CD58: variants seen among roughly 807,000 people sequenced by gnomAD.
The protein encoded by CD58 is lymphocyte function-associated antigen 3.
Under a neutral mutation model 27.6 loss-of-function variants are expected in CD58, and 14 were observed. The ratio of observed to expected loss-of-function variants is 0.51; its 90% CI spans 0.34 to 0.79. CD58 has a LOEUF of 0.79. CD58 is among the 30% of genes least tolerant of loss of function. The pLI is 0.02. For synonymous variants in CD58, 117 were observed against 103.8 expected (o/e 1.13, Z -0.77); for missense variants, 268 against 301.7 (o/e 0.89, Z 0.83).
At position 116,541,304 on chromosome 1, in the gene CD58, A is replaced by G. The variant is rs527949357; in HGVS notation, c.364+3007T>C. ...CCAATGTCCATGTTTCAAAGATTCT[A>G]CTTTTTCAAGGAAATCTTCTAAGAG... On this transcript the variant is annotated intron_variant, in intron 2 of 5. Coordinates refer to ENST00000369489, the MANE Select transcript of CD58 (RefSeq NM_001779.3). This position sits in a 1 kb window ranked among gnomAD's most constrained non-coding sequence, Gnocchi z 5.3. 5.3e-5 allele frequency among the ~76,000 whole-genome samples: 8 copies of G among 152,234 alleles called. No homozygotes were observed. The highest frequency in any genetic ancestry group is 1.0e-4 in the Non-Finnish European group (7 of 68,040).
Position 116,524,585 on chromosome 1 carries a change from GTT to G in CD58, c.629-2604_629-2603del, listed in dbSNP as rs1347986479. ...CTTTAAATAAATCCAGGGCTACAAT[GTT>G]TACTTAACCTAATCAATTTACAGCT... On this transcript the variant is annotated intron_variant, in intron 3 of 5. Transcript: ENST00000369489. The surrounding 1 kb of genome is among the most constrained non-coding windows in gnomAD (Gnocchi z 4.6). 6.6e-6 allele frequency among the ~76,000 whole-genome samples: 1 copy of G among 152,134 alleles called. No individual in the cohort carries two copies. Among genetic ancestry groups the G allele is most frequent in the African/African-American group, 2.4e-5 (1 of 41,434 alleles).
In CD58 at chr1:116,534,051, G is replaced by T; in HGVS notation, c.628+1914C>A. On this transcript the variant is annotated intron_variant, in intron 3 of 5. Transcript: ENST00000369489. This position sits in a 1 kb window ranked among gnomAD's most constrained non-coding sequence, Gnocchi z 5.3. ...TACTTGCATTTTTAGCAGCTTCCACGAAATCTGAAGGAACCCCATCTGAAA... is the reference window on the plus strand; with the variant it reads ...TACTTGCATTTTTAGCAGCTTCCACTAAATCTGAAGGAACCCCATCTGAAA... The T allele has an allele frequency of 1.0e-6, 1 of 980,798 alleles. No homozygotes were observed. The highest frequency in any genetic ancestry group is 1.6e-6 in the Non-Finnish European group (1 of 609,142). 60.8% of individuals were successfully genotyped at this position (980,798 alleles called of 1,614,324 possible). A position where few individuals can be genotyped will look rare whatever the true frequency, so the allele number is the denominator to read the frequency against.
rs956055136 is a variant in CD58, at chr1:116,515,890, C to A, written c.744-1068G>T. ...CGTCAGATGTCTGCTATCTACTCAT[C>A]TGTCCTCTGTTGTTCCTAATTGGGT... On this transcript the variant is annotated intron_variant, in intron 5 of 5. Transcript: ENST00000369489. The surrounding 1 kb of genome is among the most constrained non-coding windows in gnomAD (Gnocchi z 4.6). Among the ~76,000 whole-genome samples the A allele has an allele frequency of 1.3e-5, 2 of 152,152 alleles. No individual in the cohort carries two copies. Among genetic ancestry groups the A allele is most frequent in the African/African-American group, 4.8e-5 (2 of 41,426 alleles).
Position 116,519,921 on chromosome 1 carries a change from C to A in CD58, c.707-654G>T, listed in dbSNP as rs1657215142. 6.6e-6 allele frequency among the ~76,000 whole-genome samples: 1 copy of A among 152,234 alleles called. No homozygotes were observed. Among genetic ancestry groups the A allele is most frequent in the Non-Finnish European group, 1.5e-5 (1 of 68,038 alleles). On this transcript the variant is annotated intron_variant, in intron 4 of 5. Coordinates refer to ENST00000369489, the MANE Select transcript of CD58 (RefSeq NM_001779.3). This position sits in a 1 kb window ranked among gnomAD's most constrained non-coding sequence, Gnocchi z 4.7. The stretch of plus-strand genomic sequence containing the variant: ...TTTCCTGCCCACAGTAGGCATCCGC[C>A]TGACCCTAGAACTATGCTAGTGGTT...
In CD58 at chr1:116,522,277, A is replaced by G. The variant is rs1377894182; in HGVS notation, c.629-294T>C. On this transcript the variant is annotated intron_variant, in intron 3 of 5. Coordinates refer to ENST00000369489, the MANE Select transcript of CD58 (RefSeq NM_001779.3). The surrounding 1 kb of genome is among the most constrained non-coding windows in gnomAD (Gnocchi z 4.6). The stretch of plus-strand genomic sequence containing the variant: ...AGTCTATTTAGTGCCATGATTTTGC[A>G]TTTTTGTGCTTTTTTGTTGGTGATT... Among the ~76,000 whole-genome samples the G allele has an allele frequency of 6.6e-6, 1 of 152,132 alleles. No homozygotes were observed. Among genetic ancestry groups the G allele is most frequent in the Admixed American group, 6.5e-5 (1 of 15,274 alleles).
At position 116,515,811 on chromosome 1, in the gene CD58, C is replaced by T. The variant is rs1657061266; in HGVS notation, c.744-989G>A. ...CTTACACAAAAAATACCAGGGCACT[C>T]AGAAATTGCCTACGTTGAACTGCCT... On this transcript the variant is annotated intron_variant, in intron 5 of 5. Transcript: ENST00000369489. The surrounding 1 kb of genome is among the most constrained non-coding windows in gnomAD (Gnocchi z 4.6). 6.6e-6 allele frequency among the ~76,000 whole-genome samples: 1 copy of T among 152,190 alleles called. No individual in the cohort carries two copies. The highest frequency in any genetic ancestry group is 1.5e-5 in the Non-Finnish European group (1 of 68,036).
At position 116,538,782 on chromosome 1, in the gene CD58, C is replaced by T. The variant is rs753612638; in HGVS notation, c.365-2554G>A. Among the ~76,000 whole-genome samples the T allele has an allele frequency of 3.9e-5, 6 of 152,210 alleles. No individual in the cohort carries two copies. Among genetic ancestry groups the T allele is most frequent in the Non-Finnish European group, 7.3e-5 (5 of 68,040 alleles). On this transcript the variant is annotated intron_variant, in intron 2 of 5. Transcript: ENST00000369489. This position sits in a 1 kb window ranked among gnomAD's most constrained non-coding sequence, Gnocchi z 4.7. The stretch of plus-strand genomic sequence containing the variant: ...TATGACTCACCTTTCAACCACAGCA[C>T]ATGACATAATGCAAGGCACACAGAT...
rs1657341621 is a variant in CD58 at position 116,523,739 on chromosome 1, T to C, written c.629-1756A>G. Among the ~76,000 whole-genome samples, 1 of 152,226 alleles carries C rather than the reference T, an allele frequency of 6.6e-6. No homozygotes were observed. Among genetic ancestry groups the C allele is most frequent in the Non-Finnish European group, 1.5e-5 (1 of 68,042 alleles). On this transcript the variant is annotated intron_variant, in intron 3 of 5. Transcript: ENST00000369489. The surrounding 1 kb of genome is among the most constrained non-coding windows in gnomAD (Gnocchi z 4.4). Reference sequence around the variant, plus strand: ...AGGGTTTGCAAAGTGGTTTAGTCTATCATTCCTTCTTTACTAACTACAATC... The same window carrying C: ...AGGGTTTGCAAAGTGGTTTAGTCTACCATTCCTTCTTTACTAACTACAATC...
In CD58 at chr1:116,536,052, G is replaced by A. The variant is rs773733730; in HGVS notation, c.541C>T (p.Leu181Phe). 4.3e-6 allele frequency: 7 copies of A among 1,612,162 alleles called. No homozygotes were observed. The South Asian group carries it at 5.5e-5, about 13-fold the overall frequency. The stretch of plus-strand genomic sequence containing the variant: ...AGAGTACACTGTATTTTTTGTGGAA[G>A]ATCATTTTCCATCTTAAAATATATA... ...TSIYFKMEND[L>F]PQKIQCTLSN... Residue 181 changes from leucine (L) to phenylalanine (F), a missense_variant, in exon 3 of 6, where the codon CTT (leucine) becomes TTT (phenylalanine). Coordinates refer to ENST00000369489, the MANE Select transcript of CD58 (RefSeq NM_001779.3). This position sits in a 1 kb window ranked among gnomAD's most constrained non-coding sequence, Gnocchi z 5.4.
Position 116,518,854 on chromosome 1 carries a change from G to C in CD58, c.743+377C>G. 1.9e-6 allele frequency: 2 copies of C among 1,072,322 alleles called. 1 individual carries two copies. The highest frequency in any genetic ancestry group is 6.2e-5 in the South Asian group (2 of 32,504). The allele number at this position is 1,072,322 out of a possible 1,614,324, so 66.4% of individuals were successfully genotyped here. The stretch of plus-strand genomic sequence containing the variant: ...TGGGAGGTGGAGGGAGTGTATTGTA[G>C]TGGTTAACAGTATAACTCTTGGAGT... On this transcript the variant is annotated intron_variant, in intron 5 of 5. Coordinates refer to ENST00000369489, the MANE Select transcript of CD58 (RefSeq NM_001779.3).
intron 3 of CD58, among the ~76,000 whole-genome samples, chr1:116,526,842 G>T (rs1657446957): frequency 6.6e-6 from 1 of 152,100 alleles, no homozygotes; most frequent in South Asian, 2.1e-4. Flanking sequence ...CATTTATTTA[G>T]TTCTTCTTTG....
rs979252060 is a variant in CD58, at chr1:116,552,917, CAA to C, written c.71-8315_71-8314del. Among the ~76,000 whole-genome samples the C allele has an allele frequency of 6.6e-5, 10 of 151,918 alleles. No homozygotes were observed. The highest frequency in any genetic ancestry group is 2.4e-4 in the African/African-American group (10 of 41,370). On this transcript the variant is annotated intron_variant, in intron 1 of 5. Coordinates refer to ENST00000369489, the MANE Select transcript of CD58 (RefSeq NM_001779.3). This position sits in a 1 kb window ranked among gnomAD's most constrained non-coding sequence, Gnocchi z 4.5. Reference sequence around the variant, plus strand: ...TTAATAGAAGTTGCTGCATTGTTTACAAAAAAGACTTTGGCAATTTACATCTC... The same window carrying C: ...TTAATAGAAGTTGCTGCATTGTTTACAAAAGACTTTGGCAATTTACATCTC...
In CD58 at chr1:116,570,581, G is replaced by A. The variant is rs542735266; in HGVS notation, c.70+322C>T. Among the ~76,000 whole-genome samples the A allele has an allele frequency of 6.6e-6, 1 of 152,204 alleles. No individual in the cohort carries two copies. Among genetic ancestry groups the A allele is most frequent in the East Asian group, 2.0e-4 (1 of 5,118 alleles). On this transcript the variant is annotated intron_variant, in intron 1 of 5. Coordinates refer to ENST00000369489, the MANE Select transcript of CD58 (RefSeq NM_001779.3). This position sits in a 1 kb window ranked among gnomAD's most constrained non-coding sequence, Gnocchi z 6.4. ...AGCGCTCAGCGACGTTACTGGGGAA[G>A]CCCAGGAAGGAACTTGGTCACTGGA...
chr1:116,517,090 G>T lies in CD58; in HGVS notation c.743+2141C>A, dbSNP rs532570096. Among the ~76,000 whole-genome samples, 1 of 151,312 alleles carries T rather than the reference G, an allele frequency of 6.6e-6. No individual in the cohort carries two copies. The highest frequency in any genetic ancestry group is 6.6e-5 in the Admixed American group (1 of 15,210). ...ATGATGCCCCCCTACCCCCATCATT[G>T]GTAGTGATGGCTATGCCTCCCCCAT... is the stretch of plus-strand genomic sequence containing the variant. On this transcript the variant is annotated intron_variant, in intron 5 of 5. Transcript: ENST00000369489. The surrounding 1 kb of genome is among the most constrained non-coding windows in gnomAD (Gnocchi z 6.5).
rs796150127 is a variant in CD58 at position 116,550,719 on chromosome 1, G to T, written c.71-6115C>A. Among the ~76,000 whole-genome samples, 9 of 152,014 alleles carry T rather than the reference G, an allele frequency of 5.9e-5. No individual in the cohort carries two copies. The highest frequency in any genetic ancestry group is 5.2e-4 in the Admixed American group (8 of 15,248). ...CTAGAATGCTGAATCCTTTCAGAAG[G>T]TTGTCAATTTACTTTGCCCAGATTC... On this transcript the variant is annotated intron_variant, in intron 1 of 5. Coordinates refer to ENST00000369489, the MANE Select transcript of CD58 (RefSeq NM_001779.3). The surrounding 1 kb of genome is among the most constrained non-coding windows in gnomAD (Gnocchi z 4.2).
At chr1:116,551,883 G>A (rs1311312284) in intron 1 of CD58, among the ~76,000 whole-genome samples, 1 of 151,974 alleles carries the variant, frequency 6.6e-6, no homozygotes, top group Non-Finnish European at 1.5e-5. Flanking sequence ...GGGATTACAG[G>A]TGCCCACCAC....
intron 1 of CD58, among the ~76,000 whole-genome samples, chr1:116,562,021 T>TA (rs200641589): frequency 0.014 from 2,159 of 152,198 alleles, 31 homozygotes; most frequent in Non-Finnish European, 0.023. Flanking sequence ...CTTTGCTAAA[T>TA]AAAAAAACAC....
chr1:116,557,514 A>T lies in CD58; in HGVS notation c.71-12910T>A, dbSNP rs1658602374. 6.6e-6 allele frequency among the ~76,000 whole-genome samples: 1 copy of T among 152,240 alleles called. No homozygotes were observed. The highest frequency in any genetic ancestry group is 2.4e-5 in the African/African-American group (1 of 41,470). On this transcript the variant is annotated intron_variant, in intron 1 of 5. Coordinates refer to ENST00000369489, the MANE Select transcript of CD58 (RefSeq NM_001779.3). This position sits in a 1 kb window ranked among gnomAD's most constrained non-coding sequence, Gnocchi z 5.2. ...GTTATAGGATGCAGGGCACCACACC[A>T]GATAAACTTGTACCCACTCATGGAT...
In CD58 at chr1:116,519,309, A is replaced by G; in HGVS notation, c.707-42T>C. The G allele has an allele frequency of 6.3e-7, 1 of 1,582,188 alleles. No homozygotes were observed. The highest frequency in any genetic ancestry group is 1.7e-5 in the Admixed American group (1 of 58,010). ...TGTCTTCTCAATTAAAGAACTGAAA[A>G]GAAAAGGTGAAATGTGGAGTTACTG... On this transcript the variant is annotated intron_variant, in intron 4 of 5. Transcript: ENST00000369489. This position sits in a 1 kb window ranked among gnomAD's most constrained non-coding sequence, Gnocchi z 4.7.
Sources: gnomAD v4.1 joint callset for allele counts (sites outside exome capture counted in the v4.1 genomes callset) on GRCh38, gnomAD v4.1.1 for gene constraint, Gnocchi (gnomAD v3.1) non-coding constraint, MANE v1.5 for transcripts, NCBI Gene and HGNC (gene_info 2026-07-23, HGNC 2026-07-21) for gene names.